Variants in ACAN observed in about 807,000 individuals in gnomAD.
The protein encoded by ACAN is aggrecan, also known as aggrecan core protein.
A neutral mutation model predicts 169.1 loss-of-function variants in ACAN; 47 were observed. The observed-to-expected ratio is 0.28, with a 90% CI of 0.22 to 0.35. The LOEUF is 0.35. Among genes scored for constraint, ACAN ranks in the 10% least tolerant of loss-of-function variants. ACAN has a pLI of 1.00. For synonymous variants in ACAN, 1,115 were observed against 1,112.2 expected, an observed-to-expected ratio of 1.00 and a Z score of -0.05; for missense variants, 2,716 against 2,759.9, an observed-to-expected ratio of 0.98 and a Z score of 0.36.
intron 13 of ACAN, among the ~76,000 whole-genome samples, chr15:88,865,970 GC>G (rs1897273956): frequency 6.6e-6 from 1 of 152,004 alleles, no homozygotes; most frequent in African/African-American, 2.4e-5. Flanking sequence ...CAGGATTGTG[GC>G]CCTTCTTTCC....
intron 5 of ACAN, 118 bp downstream of exon 5, chr15:88,841,985 T>C (rs2141572675): frequency 7.5e-7 from 1 of 1,332,508 alleles, no homozygotes; most frequent in Non-Finnish European, 1.0e-6. Context: ...CCTGACACAC[T>C]CTGTCCTCCT....
chr15:88,855,283 G>A lies in ACAN; in HGVS notation c.2698G>A (p.Asp900Asn). ...RASGLPSGDL[D>N]SSGLTSTVGS... ...AAGTGGACTGCCCTCTGGAGACCTGGACTCCAGTGGTCTTACTTCCACAGT... is the reference window on the plus strand; with the variant it reads ...AAGTGGACTGCCCTCTGGAGACCTGAACTCCAGTGGTCTTACTTCCACAGT... Residue 900 changes from aspartate (D) to asparagine (N), a missense_variant, in exon 12 of 19, where the codon GAC becomes AAC. Transcript: ENST00000560601. 2 of 1,610,824 alleles carry A rather than the reference G, an allele frequency of 1.2e-6. No homozygotes were observed. Among genetic ancestry groups the A allele is most frequent in the Non-Finnish European group, 8.5e-7 (1 of 1,177,640 alleles).
At chr15:88,808,351 G>A (rs117669547) in intron 1 of ACAN, among the ~76,000 whole-genome samples, 4 of 152,314 alleles carry the variant, frequency 2.6e-5, no homozygotes, top group East Asian at 1.9e-4. Context: ...AGAATATGTC[G>A]TGTTCCCAGA....
rs928167507 is a variant in ACAN, at chr15:88,858,497, C to A, written c.5912C>A (p.Ala1971Glu). ...ILELSGAHSG[A>E]PDMSGEHSGF... ...GAACTCAGTGGTGCTCATTCTGGAG[C>A]ACCAGACATGTCTGGGGAGCATTCT... Residue 1971 changes from alanine (A) to glutamate (E), a missense_variant, in exon 12 of 19, where the codon GCA becomes GAA. Transcript: ENST00000560601. The surrounding 1 kb of genome is among the most constrained non-coding windows in gnomAD (Gnocchi z 4.0). The A allele has an allele frequency of 3.1e-6, 5 of 1,613,706 alleles. No homozygotes were observed. In the African/African-American group the frequency reaches 6.7e-5, roughly 22 times the overall value.
Position 88,874,103 on chromosome 15 carries a change from G to C in ACAN, c.7630+79G>C. On this transcript the variant is annotated intron_variant, in intron 18 of 18. Coordinates refer to ENST00000560601, the MANE Select transcript of ACAN (RefSeq NM_001369268.1). This position sits in a 1 kb window ranked among gnomAD's most constrained non-coding sequence, Gnocchi z 7.3. ...AGCCTTCCCCCCGTCCCCTCTCCTG[G>C]GGACCCTACACCGTCCACAGGGTTG... is the stretch of plus-strand genomic sequence containing the variant. 2 of 1,553,014 alleles carry C rather than the reference G, an allele frequency of 1.3e-6. No homozygotes were observed. Among genetic ancestry groups the C allele is most frequent in the Non-Finnish European group, 1.7e-6 (2 of 1,148,212 alleles).
In ACAN at chr15:88,871,896, C is replaced by A; in HGVS notation, c.7220-107C>A. ...AGCACGTGCCTTGCTCCTAGGAGCC[C>A]ACCCACCTCCTTTCCTCCTCCATCC... On this transcript the variant is annotated intron_variant, in intron 15 of 18. Coordinates refer to ENST00000560601, the MANE Select transcript of ACAN (RefSeq NM_001369268.1). The surrounding 1 kb of genome is among the most constrained non-coding windows in gnomAD (Gnocchi z 7.8). 2 of 1,033,140 alleles carry A rather than the reference C, an allele frequency of 1.9e-6. No individual in the cohort carries two copies. Among genetic ancestry groups the A allele is most frequent in the Non-Finnish European group, 3.0e-6 (2 of 658,796 alleles). The allele number at this position is 1,033,140 out of a possible 1,614,324, so 64.0% of individuals were successfully genotyped here.
chr15:88,847,118 C>T lies in ACAN; in HGVS notation c.1430-125C>T, dbSNP rs973210857. On this transcript the variant is annotated intron_variant, in intron 7 of 18. Coordinates refer to ENST00000560601, the MANE Select transcript of ACAN (RefSeq NM_001369268.1). ...ACGTGGCTACCAAGTGGGATTTCAG[C>T]CTGCATTGCCCAGATAAATCCAATA... 3.7e-6 allele frequency: 4 copies of T among 1,085,380 alleles called. No individual in the cohort carries two copies. The African/African-American group carries it at 6.4e-5, about 17-fold the overall frequency. The allele number at this position is 1,085,380 out of a possible 1,614,324, so 67.2% of individuals were successfully genotyped here. A position where few individuals can be genotyped will look rare whatever the true frequency, so the allele number is the denominator to read the frequency against.
At chr15:88,817,451 T>C (rs1382902126) in intron 1 of ACAN, among the ~76,000 whole-genome samples, 2 of 151,240 alleles carry the variant, frequency 1.3e-5, no homozygotes, top group Non-Finnish European at 2.9e-5. Context: ...CAAATGTAGA[T>C]TTTTTTTTAA....
At chr15:88,806,665 T>C (rs536832735) in intron 1 of ACAN, among the ~76,000 whole-genome samples, 1 of 152,278 alleles carries the variant, frequency 6.6e-6, no homozygotes, top group African/African-American at 2.4e-5. Context: ...TTCTTTTTAA[T>C]GATTCCTTCT....
In ACAN at chr15:88,868,569, C is replaced by A. The variant is rs1019568835; in HGVS notation, c.7060+240C>A. The stretch of plus-strand genomic sequence containing the variant: ...CTGATCTGACTTTCTCCAGGGCTTC[C>A]AGATCTACTGATGCCACCACCGAGG... On this transcript the variant is annotated intron_variant, in intron 14 of 18. Coordinates refer to ENST00000560601, the MANE Select transcript of ACAN (RefSeq NM_001369268.1). The surrounding 1 kb of genome is among the most constrained non-coding windows in gnomAD (Gnocchi z 5.2). Among the ~76,000 whole-genome samples the A allele has an allele frequency of 2.0e-5, 3 of 152,088 alleles. No individual in the cohort carries two copies. Among genetic ancestry groups the A allele is most frequent in the Non-Finnish European group, 2.9e-5 (2 of 68,022 alleles).
At position 88,871,519 on chromosome 15, in the gene ACAN, G is replaced by A. The variant is rs765467543; in HGVS notation, c.7198G>A (p.Glu2400Lys). Reference protein sequence around the residue: ...QSHLSSIVTPEEQEFVNNNAQ... With the variant: ...QSHLSSIVTPKEQEFVNNNAQ... ...ACACCTGAGCAGCATCGTCACCCCC[G>A]AGGAGCAGGAGTTTGTCAACAGTGA... The change falls in exon 15 of 19, where the codon GAG (glutamate) becomes AAG (lysine). Residue 2400 changes from glutamate (E) to lysine (K), a missense_variant. Around this residue, in one of 3 missense-constraint regions of ACAN, gnomAD observed 1,389 missense variants for 1,363.7 expected, o/e 1.02. Coordinates refer to ENST00000560601, the MANE Select transcript of ACAN (RefSeq NM_001369268.1). This position sits in a 1 kb window ranked among gnomAD's most constrained non-coding sequence, Gnocchi z 7.8. 13 of 1,613,096 alleles carry A rather than the reference G, an allele frequency of 8.1e-6. No homozygotes were observed. The highest frequency in any genetic ancestry group is 2.2e-5 in the East Asian group (1 of 44,894).
chr15:88,857,774 C>A lies in ACAN; in HGVS notation c.5189C>A (p.Pro1730His), dbSNP rs1205184956. 4 of 1,613,936 alleles carry A rather than the reference C, an allele frequency of 2.5e-6. No homozygotes were observed. The highest frequency in any genetic ancestry group is 3.4e-6 in the Non-Finnish European group (4 of 1,179,892). The change falls in exon 12 of 19, where the codon CCT becomes CAT. Residue 1730 changes from proline (P) to histidine (H), a missense_variant. Pro to His is a moderately conservative substitution (Grantham distance 77). This residue lies in a region of ACAN where 1,389 missense variants were observed against 1,363.7 expected (regional missense o/e 1.02). Transcript: ENST00000560601. ...TCTCCTGATGTCAGTGGGGAAATAC[C>A]TGGACTCTTTGGTGTCAGTGGACAG... ...SGSPDVSGEI[P>H]GLFGVSGQPS...
chr15:88,858,437 C>T lies in ACAN; in HGVS notation c.5852C>T (p.Ala1951Val). ...LVESVTQAPT[A>V]QEAGEGPSGI... ...GAATCTGTAACCCAGGCTCCAACAGCCCAAGAGGCAGGAGAAGGGCCTTCT... is the reference window on the plus strand; with the variant it reads ...GAATCTGTAACCCAGGCTCCAACAGTCCAAGAGGCAGGAGAAGGGCCTTCT... The change falls in exon 12 of 19, where the codon GCC becomes GTC. Residue 1951 changes from alanine to valine, a missense_variant. Physicochemically the swap from Ala to Val is moderately conservative, Grantham distance 64 (BLOSUM62 0). This residue lies in a region of ACAN where 1,389 missense variants were observed against 1,363.7 expected (regional missense o/e 1.02). Coordinates refer to ENST00000560601, the MANE Select transcript of ACAN (RefSeq NM_001369268.1). The surrounding 1 kb of genome is among the most constrained non-coding windows in gnomAD (Gnocchi z 4.0). 6.2e-7 allele frequency: 1 copy of T among 1,613,682 alleles called. No individual in the cohort carries two copies. Among genetic ancestry groups the T allele is most frequent in the Non-Finnish European group, 8.5e-7 (1 of 1,179,886 alleles).
rs577638749 is a variant in ACAN at position 88,869,612 on chromosome 15, G to T, written c.7060+1283G>T. ...TAGAAGAGTCTGGGACTTCCATGCC[G>T]ACAACAGCTATTTGGTTCCAGACTG... On this transcript the variant is annotated intron_variant, in intron 14 of 18. Transcript: ENST00000560601. The surrounding 1 kb of genome is among the most constrained non-coding windows in gnomAD (Gnocchi z 4.2). 6.6e-6 allele frequency among the ~76,000 whole-genome samples: 1 copy of T among 152,134 alleles called. No homozygotes were observed. The highest frequency in any genetic ancestry group is 1.5e-5 in the Non-Finnish European group (1 of 68,032).
intron 1 of ACAN, among the ~76,000 whole-genome samples, chr15:88,809,023 TTC>T (rs1342584524): frequency 6.6e-6 from 1 of 152,234 alleles, no homozygotes; most frequent in Non-Finnish European, 1.5e-5. Context: ...CTCACTGCGT[TTC>T]TGTTTCCGTG....
Position 88,814,300 on chromosome 15 carries a change from G to A in ACAN, c.-8+10491G>A, listed in dbSNP as rs574492709. Among the ~76,000 whole-genome samples the A allele has an allele frequency of 6.6e-6, 1 of 152,368 alleles. No individual in the cohort carries two copies. The highest frequency in any genetic ancestry group is 2.1e-4 in the South Asian group (1 of 4,824). ...AAGGGCTCTCAAAACAGTAACTGCT[G>A]TAAATCATGAACATTCCCAGACCCG... On this transcript the variant is annotated intron_variant, in intron 1 of 18. Transcript: ENST00000560601. The surrounding 1 kb of genome is among the most constrained non-coding windows in gnomAD (Gnocchi z 4.0).
chr15:88,803,739 C>G lies in ACAN; in HGVS notation c.-78C>G. On this transcript the variant is annotated 5_prime_UTR_variant, in exon 1 of 19. Coordinates refer to ENST00000560601, the MANE Select transcript of ACAN (RefSeq NM_001369268.1). ...CAGCGAGACCCGGGCCTCCCGGCCCCAGGAGCCCCCAGCTGCCTCGCCAGG... is the reference window on the plus strand; with the variant it reads ...CAGCGAGACCCGGGCCTCCCGGCCCGAGGAGCCCCCAGCTGCCTCGCCAGG... The G allele has an allele frequency of 6.6e-6, 1 of 152,236 alleles. No individual in the cohort carries two copies. The highest frequency in any genetic ancestry group is 1.5e-5 in the Non-Finnish European group (1 of 68,108). 9.4% of individuals were successfully genotyped at this position (152,236 alleles called of 1,614,324 possible). A position where few individuals can be genotyped will look rare whatever the true frequency, so the allele number is the denominator to read the frequency against.
intron 1 of ACAN, among the ~76,000 whole-genome samples, chr15:88,828,703 G>T (rs7173625): frequency 6.6e-6 from 1 of 152,186 alleles, no homozygotes; most frequent in Admixed American, 6.5e-5. Context: ...GTTCCCAGAA[G>T]TTAAAAAGGT....
At chr15:88,812,379 A>G (rs1256316390) in intron 1 of ACAN, among the ~76,000 whole-genome samples, 2 of 152,012 alleles carry the variant, frequency 1.3e-5, no homozygotes, top group Non-Finnish European at 2.9e-5. Context: ...TTATTTGCAT[A>G]TTTCCTCTCA....
Sources: gnomAD v4.1 joint callset for allele counts (sites outside exome capture counted in the v4.1 genomes callset) on GRCh38, gnomAD v4.1.1 for gene constraint, gnomAD v4.1.1 regional missense constraint, Gnocchi (gnomAD v3.1) non-coding constraint, MANE v1.5 for transcripts, NCBI Gene and HGNC (gene_info 2026-07-23, HGNC 2026-07-21) for gene names.